Variants in ZFHX3 observed in about 807,000 individuals in gnomAD.
The protein encoded by ZFHX3 is zinc finger homeobox protein 3.
A neutral mutation model predicts 279.1 loss-of-function variants in ZFHX3; 42 were observed. The ratio of observed to expected loss-of-function variants is 0.15; its 90% CI spans 0.12 to 0.19. The LOEUF (loss-of-function observed/expected upper bound fraction) is 0.19, where lower values mean the gene tolerates loss of function less well. Ranked by LOEUF, ZFHX3 falls within the 10% of genes least tolerant of loss-of-function variation. The probability of loss-of-function intolerance (pLI) is 1.00; values close to 1 mark genes in which losing one functional copy is unlikely to be tolerated. For missense variants in ZFHX3, 4,981 were observed against 4,754.0 expected, an observed-to-expected ratio of 1.05 and a Z score of -1.40; for synonymous variants, 2,293 against 1,957.8, an observed-to-expected ratio of 1.17 and a Z score of -4.52.
intron 1 of ZFHX3, among the ~76,000 whole-genome samples, chr16:73,876,225 T>A (rs920488344): frequency 6.6e-6 from 1 of 152,152 alleles, no homozygotes; most frequent in Non-Finnish European, 1.5e-5. Flanking sequence ...CTGGAATGAG[T>A]TCCTGCTGCT....
chr16:73,821,487 C>T (rs1960739200), intron 1 of ZFHX3, among the ~76,000 whole-genome samples: 1 of 152,216 alleles, frequency 6.6e-6, no homozygotes, highest in African/African-American at 2.4e-5. Flanking sequence ...AAACCACAAA[C>T]CCTCTAAGCC....
chr16:73,189,828 T>C (rs9922122), intron 5 of ZFHX3, among the ~76,000 whole-genome samples: 49,718 of 152,034 alleles, frequency 0.33, 8,471 homozygotes, highest in African/African-American at 0.41. Context: ...GCATGGTGGC[T>C]CATGCCTGTA....
chr16:73,863,204 T>A (rs911794873), intron 1 of ZFHX3, among the ~76,000 whole-genome samples: 7 of 152,226 alleles, frequency 4.6e-5, no homozygotes, highest in South Asian at 4.1e-4. Context: ...AGACTCCGTC[T>A]CAAAATAAAC....
chr16:72,977,107 G>C (rs1962384293), intron 1 of ZFHX3, among the ~76,000 whole-genome samples: 1 of 152,214 alleles, frequency 6.6e-6, no homozygotes, highest in South Asian at 2.1e-4. Flanking sequence ...ATGTCGAGTT[G>C]ACAAGAAAGG....
chr16:73,805,698 A>C (rs1330630530), intron 1 of ZFHX3, among the ~76,000 whole-genome samples: 3 of 152,256 alleles, frequency 2.0e-5, no homozygotes, highest in Admixed American at 6.5e-5. Flanking sequence ...AGCAATGGAC[A>C]AAACAGTTAA....
intron 2 of ZFHX3, among the ~76,000 whole-genome samples, chr16:73,549,693 C>G (rs962771077): frequency 6.6e-6 from 1 of 152,140 alleles, no homozygotes; most frequent in Non-Finnish European, 1.5e-5. Flanking sequence ...AAATCCCAGT[C>G]CAAACACAGA....
chr16:73,824,196 G>C (rs1960830656), intron 1 of ZFHX3, among the ~76,000 whole-genome samples: 1 of 152,150 alleles, frequency 6.6e-6, no homozygotes, highest in African/African-American at 2.4e-5. Flanking sequence ...AGGAGAAAAA[G>C]TTATGTTGCG....
intron 1 of ZFHX3, among the ~76,000 whole-genome samples, chr16:73,817,466 G>A (rs1416987887): frequency 6.6e-6 from 1 of 152,194 alleles, no homozygotes; most frequent in African/African-American, 2.4e-5. Context: ...CTTTCAGGGA[G>A]TTCCTCTACC....
intron 5 of ZFHX3, among the ~76,000 whole-genome samples, chr16:73,216,999 G>A (rs929089537): frequency 6.6e-6 from 1 of 152,166 alleles, no homozygotes; most frequent in African/African-American, 2.4e-5. Flanking sequence ...ATTTCAGCCT[G>A]ATCCTTGCTC....
At chr16:73,617,586 C>T (rs1422220357) in intron 2 of ZFHX3, among the ~76,000 whole-genome samples, 1 of 152,036 alleles carries the variant, frequency 6.6e-6, no homozygotes, top group Non-Finnish European at 1.5e-5. Context: ...ATGTACATGC[C>T]TAAAAATTGT....
At chr16:73,608,816 AT>A (rs1213510348) in intron 2 of ZFHX3, 1 of 152,192 alleles carries the variant, frequency 6.6e-6, no homozygotes, top group Admixed American at 6.5e-5. Flanking sequence ...ATTCAAAGGT[AT>A]TTTTAAAAAA....
At chr16:73,731,536 C>A (rs9935958) in intron 1 of ZFHX3, among the ~76,000 whole-genome samples, 7 of 150,880 alleles carry the variant, frequency 4.6e-5, no homozygotes, top group African/African-American at 9.7e-5. Flanking sequence ...TTATTGTGAT[C>A]GGAACAAAAA....
chr16:72,925,042 G>A (rs1255484264), intron 3 of ZFHX3, among the ~76,000 whole-genome samples: 2 of 152,264 alleles, frequency 1.3e-5, no homozygotes, highest in South Asian at 2.1e-4. Context: ...CTTACAACGG[G>A]GACACACAGG....
intron 5 of ZFHX3, among the ~76,000 whole-genome samples, chr16:73,177,881 A>T (rs1162630135): frequency 6.6e-6 from 1 of 152,190 alleles, no homozygotes; most frequent in Non-Finnish European, 1.5e-5. Flanking sequence ...GGACACTGAC[A>T]ATTAGTTGTG....
chr16:73,433,978 CGTGT>C (rs2017953814), intron 3 of ZFHX3, among the ~76,000 whole-genome samples: 1 of 152,150 alleles, frequency 6.6e-6, no homozygotes, highest in Non-Finnish European at 1.5e-5. Context: ...TATTGACTTG[CGTGT>C]CCCTTCTGGG....
At position 73,129,714 on chromosome 16, in the gene ZFHX3, A is replaced by G. The variant is rs8056268; in HGVS notation, c.-897+1254T>C. Among the ~76,000 whole-genome samples, 692 of 147,586 alleles carry G rather than the reference A, an allele frequency of 4.7e-3. 2 individuals carry two copies. The highest frequency in any genetic ancestry group is 7.8e-3 in the African/African-American group (313 of 40,178). ...CGCATGTGCATGTGTGTGCATGTGT[A>G]TGTGTGTGTGTGTGTGTGTGTGTGT... On this transcript the variant is annotated intron_variant, in intron 7 of 17. Coordinates refer to the ZFHX3 transcript ENST00000641206.
intron 3 of ZFHX3, among the ~76,000 whole-genome samples, chr16:72,903,826 G>A (rs987245515): frequency 6.6e-6 from 1 of 152,118 alleles, no homozygotes; most frequent in Admixed American, 6.5e-5. Context: ...TAAATATACC[G>A]CTAGAAAGAT....
chr16:73,065,127 G>A (rs1194005998), intron 8 of ZFHX3, among the ~76,000 whole-genome samples: 1 of 152,244 alleles, frequency 6.6e-6, no homozygotes, highest in African/African-American at 2.4e-5. Flanking sequence ...CCCTGCGATG[G>A]GCGGGCGGCG....
At chr16:73,238,078 G>A (rs1160547128) in intron 5 of ZFHX3, among the ~76,000 whole-genome samples, 2 of 152,142 alleles carry the variant, frequency 1.3e-5, no homozygotes, top group East Asian at 1.9e-4. Flanking sequence ...CTCGCAAGAC[G>A]TCTCCTCTGT....
Sources: allele counts gnomAD v4.1 joint callset (sites outside exome capture counted in the v4.1 genomes callset), GRCh38; gene constraint gnomAD v4.1.1; transcripts MANE v1.5; gene names NCBI Gene and HGNC (gene_info 2026-07-23, HGNC 2026-07-21).